The following CACNB4 variants were observed in gnomAD, a reference collection of about 807,000 sequenced individuals.
CACNB4 encodes the protein calcium voltage-gated channel auxiliary subunit beta 4.
Under a neutral mutation model 71.2 loss-of-function variants are expected in CACNB4, and 32 were observed. That is an observed-to-expected ratio of 0.45 (90% CI 0.34 to 0.60). The LOEUF (loss-of-function observed/expected upper bound fraction) is 0.60, where lower values mean the gene tolerates loss of function less well. CACNB4 is among the 20% of genes least tolerant of loss of function. The pLI is 0.01. For synonymous variants in CACNB4, 231 were observed against 236.9 expected (o/e 0.97, Z 0.23); for missense variants, 464 against 647.9 (o/e 0.72, Z 3.08).
intron 2 of CACNB4, among the ~76,000 whole-genome samples, chr2:151,991,114 C>T (rs1293944957): frequency 1.3e-5 from 2 of 152,182 alleles, no homozygotes; most frequent in East Asian, 1.9e-4. Context: ...CCTGATGAAG[C>T]TCAGATTCTC....
At chr2:151,868,560 G>C (rs562556795) in intron 9 of CACNB4, 28 of 152,068 alleles carry the variant, frequency 1.8e-4, no homozygotes, top group Admixed American at 9.2e-4. Context: ...TAATGCCTGA[G>C]CCATATTGTT....
intron 2 of CACNB4, among the ~76,000 whole-genome samples, chr2:151,990,638 A>C (rs1296845478): frequency 2.0e-5 from 3 of 152,208 alleles, no homozygotes; most frequent in Non-Finnish European, 1.5e-5. Context: ...AAATTCTGGG[A>C]TTAATCTCAT....
In CACNB4 at chr2:151,876,545, A is replaced by G; in HGVS notation, c.402T>C (p.Asn134=). Residue 134 remains asparagine (N), a synonymous_variant, in exon 5 of 14, where the codon AAT becomes AAC. Transcript: ENST00000539935. ...DFLHIKEKYN[N]DWWIGRLVKE... ...TCACCAGCCTTCCTATCCACCAATC[A>G]TTGTTATATTTCTGGAATTCAGAAA... is the stretch of plus-strand genomic sequence containing the variant. 4 of 1,595,364 alleles carry G rather than the reference A, an allele frequency of 2.5e-6. No individual in the cohort carries two copies. Among genetic ancestry groups the G allele is most frequent in the Non-Finnish European group, 3.4e-6 (4 of 1,168,518 alleles).
intron 9 of CACNB4, chr2:151,867,467 T>C (rs1384990704): frequency 6.6e-6 from 1 of 152,226 alleles, no homozygotes; most frequent in Non-Finnish European, 1.5e-5. Flanking sequence ...ATTGGAGAAA[T>C]GATGAGTCTA....
intron 2 of CACNB4, among the ~76,000 whole-genome samples, chr2:152,058,682 A>G (rs1685850028): frequency 6.6e-6 from 1 of 152,238 alleles, no homozygotes; most frequent in Non-Finnish European, 1.5e-5. Context: ...TGTGGTAGAG[A>G]AGAAAAACCC....
chr2:152,087,075 T>C (rs995305879), intron 2 of CACNB4, among the ~76,000 whole-genome samples: 4 of 151,092 alleles, frequency 2.6e-5, no homozygotes, highest in African/African-American at 9.8e-5. Flanking sequence ...GAGGTTGCGG[T>C]GAGCCAAGAT....
chr2:151,882,131 G>GGCCTCCCAAGGT, intron 3 of CACNB4, among the ~76,000 whole-genome samples: 1 of 147,122 alleles, frequency 6.8e-6, no homozygotes, highest in East Asian at 2.0e-4. Flanking sequence ...TGCCCGCCTC[G>GGCCTCCCAAGGT]GCCTCCCAAA....
intron 2 of CACNB4, among the ~76,000 whole-genome samples, chr2:152,052,331 C>G (rs576637949): frequency 3.3e-5 from 5 of 152,164 alleles, no homozygotes; most frequent in Non-Finnish European, 7.3e-5. Flanking sequence ...GACAGAGTCT[C>G]ACTCTGTCGC....
At chr2:151,896,415 G>A (rs944163321) in intron 2 of CACNB4, among the ~76,000 whole-genome samples, 1 of 152,194 alleles carries the variant, frequency 6.6e-6, no homozygotes, top group Non-Finnish European at 1.5e-5. Flanking sequence ...CAGGGCTCTA[G>A]GTAAGAGCTA....
chr2:151,976,815 C>A (rs1035999613), intron 2 of CACNB4, among the ~76,000 whole-genome samples: 1 of 152,168 alleles, frequency 6.6e-6, no homozygotes. Context: ...GTGAGACGTC[C>A]CTGGGAGCTT....
At chr2:151,971,761 A>G in intron 2 of CACNB4, 1 of 622,746 alleles carries the variant, frequency 1.6e-6, no homozygotes, top group Non-Finnish European at 2.9e-6. Context: ...CCCTCCGAAC[A>G]TCTCTCTCTT....
intron 8 of CACNB4, chr2:151,869,954 A>C: frequency 2.1e-6 from 1 of 482,406 alleles, no homozygotes; most frequent in Non-Finnish European, 3.6e-6. Context: ...CAAAGTCAAA[A>C]CAAACATCTG....
At chr2:152,073,605 A>C (rs2105381564) in intron 2 of CACNB4, among the ~76,000 whole-genome samples, 1 of 152,360 alleles carries the variant, frequency 6.6e-6, no homozygotes, top group Middle Eastern at 3.4e-3. Flanking sequence ...AGTAATGTTA[A>C]GGGATTGGAA....
intron 11 of CACNB4, 136 bp downstream of exon 11, chr2:151,855,088 A>G: frequency 1.9e-6 from 1 of 526,492 alleles, no homozygotes; most frequent in Non-Finnish European, 3.4e-6. Context: ...GAATCTGTAC[A>G]CTGTGGAAAG....
intron 2 of CACNB4, among the ~76,000 whole-genome samples, chr2:151,897,070 T>C (rs896540304): frequency 2.6e-5 from 4 of 152,218 alleles, no homozygotes; most frequent in Non-Finnish European, 5.9e-5. Context: ...TCTCTTTCTG[T>C]CTCTGCATTT....
chr2:152,038,777 GGTGCTAGGACA>G (rs1436259728), intron 2 of CACNB4, among the ~76,000 whole-genome samples: 1 of 152,176 alleles, frequency 6.6e-6, no homozygotes, highest in Non-Finnish European at 1.5e-5. Flanking sequence ...GGCCCTGACT[GGTGCTAGGACA>G]CGTTAGTGGT....
At chr2:152,091,571 G>A (rs1229731180) in intron 2 of CACNB4, among the ~76,000 whole-genome samples, 1 of 152,140 alleles carries the variant, frequency 6.6e-6, no homozygotes, top group Non-Finnish European at 1.5e-5. Context: ...CCAGGAGGCA[G>A]AGCTTGCAGT....
In CACNB4 at chr2:151,870,413, C is replaced by T. The variant is rs146949281; in HGVS notation, c.699+118G>A. ...ACACGGTACCCCCTGCCTTCCCATG[C>T]TGAGCACTGGCTTCCATCAGGACCC... On this transcript the variant is annotated intron_variant, in intron 8 of 13. Coordinates refer to ENST00000539935, the MANE Select transcript of CACNB4 (RefSeq NM_000726.5). The T allele has an allele frequency of 3.1e-5, 25 of 812,406 alleles. No homozygotes were observed. In the African/African-American group the frequency reaches 4.0e-4, roughly 13 times the overall value. The allele number at this position is 812,406 out of a possible 1,614,324, so 50.3% of individuals were successfully genotyped here. A position where few individuals can be genotyped will look rare whatever the true frequency, so the allele number is the denominator to read the frequency against.
At position 151,833,131 on chromosome 2, in the gene CACNB4, T is replaced by A. The variant is rs1265078563; in HGVS notation, c.*5988A>T. On this transcript the variant is annotated 3_prime_UTR_variant, in exon 14 of 14. Transcript: ENST00000539935. ...AATTATTTGACAAAGGCATTTTTTA[T>A]CCCACTTTGTCAATGGAGATATAGC... The A allele has an allele frequency of 6.6e-6, 1 of 152,300 alleles. No homozygotes were observed. Among genetic ancestry groups the A allele is most frequent in the South Asian group, 2.1e-4 (1 of 4,832 alleles). 9.4% of individuals were successfully genotyped at this position (152,300 alleles called of 1,614,324 possible).
Sources: gnomAD v4.1 joint callset for allele counts (sites outside exome capture counted in the v4.1 genomes callset) on GRCh38, gnomAD v4.1.1 for gene constraint, MANE v1.5 for transcripts, NCBI Gene and HGNC (gene_info 2026-07-23, HGNC 2026-07-21) for gene names.